Variants in ZNF185 observed in about 807,000 individuals in gnomAD.
ZNF185 encodes the protein zinc finger protein 185 with LIM domain, also known as zinc finger protein 185.
Under a neutral mutation model 58.6 loss-of-function variants are expected in ZNF185, and 56 were observed. The observed-to-expected ratio is 0.95, with a 90% CI of 0.77 to 1.19. The LOEUF (loss-of-function observed/expected upper bound fraction) is 1.19. ZNF185 is among the 50% of genes most tolerant of loss of function. The probability of loss-of-function intolerance (pLI) is 0.00; values close to 1 mark genes in which losing one functional copy is unlikely to be tolerated. For missense variants in ZNF185, 627 were observed against 573.5 expected, an observed-to-expected ratio of 1.09 and a Z score of -0.95; for synonymous variants, 230 against 215.9, an observed-to-expected ratio of 1.07 and a Z score of -0.57.
In ZNF185 at chrX:152,954,583, C is replaced by G. The variant is rs6627714; in HGVS notation, c.1410-5116C>G. On this transcript the variant is annotated intron_variant, in intron 16 of 22. Transcript: ENST00000449285. Reference sequence around the variant, plus strand: ...ACTTCTGCCACCTTCCAAAACTCAGCATGTCCCAAACCATCTTTATCAACA... The same window carrying G: ...ACTTCTGCCACCTTCCAAAACTCAGGATGTCCCAAACCATCTTTATCAACA... Among the ~76,000 whole-genome samples the G allele has an allele frequency of 4.5e-4, 50 of 112,139 alleles. No individual in the cohort carries two copies. In the East Asian group the frequency reaches 0.013, roughly 30 times the overall value.
rs782647963 is a variant in ZNF185 at position 152,941,847 on chromosome X, C to T, written c.1212-3420C>T. The stretch of plus-strand genomic sequence containing the variant: ...TTCCCCCGCGTAAGGTCTGAAGCCG[C>T]GGCCAGAGTGGCTTTGGGGTGACCG... On this transcript the variant is annotated intron_variant, in intron 15 of 22. Transcript: ENST00000449285. 5.1e-5 allele frequency: 58 copies of T among 1,139,137 alleles called. No homozygotes were observed. In the South Asian group the frequency reaches 1.1e-3, roughly 22 times the overall value. The allele number at this position is 1,139,137 out of a possible 1,213,427, so 93.9% of individuals were successfully genotyped here. A position where few individuals can be genotyped will look rare whatever the true frequency, so the allele number is the denominator to read the frequency against.
intron 11 of ZNF185, among the ~76,000 whole-genome samples, 164 bp downstream of exon 12, chrX:152,922,973 G>C (rs985871928): frequency 1.8e-5 from 2 of 112,194 alleles, no homozygotes; most frequent in African/African-American, 6.5e-5. Context: ...GATTTGTCTT[G>C]ATTTCTGATC....
upstream of ZNF185, chrX:152,914,380 A>C (rs1010091988): frequency 4.1e-6 from 3 of 732,361 alleles, no homozygotes; most frequent in East Asian, 1.1e-4. Flanking sequence ...ACCAGGACCC[A>C]TATGGTCACC....
At chrX:152,904,249 C>T in the ZNF185 span, among the ~76,000 whole-genome samples, 4 of 112,337 alleles carry the variant, frequency 3.6e-5, no homozygotes, top group African/African-American at 1.3e-4. Flanking sequence ...CGCTGAGCAG[C>T]AGACTAGGAG....
intron 16 of ZNF185, among the ~76,000 whole-genome samples, chrX:152,958,860 G>T (rs1337278479): frequency 3.6e-5 from 4 of 112,276 alleles, no homozygotes; most frequent in African/African-American, 1.3e-4. Context: ...ATAAGTGGGC[G>T]GGTGCACGCA....
At chrX:152,953,186 A>G (rs1556901562) in intron 16 of ZNF185, among the ~76,000 whole-genome samples, 1 of 111,652 alleles carries the variant, frequency 9.0e-6, no homozygotes. Context: ...AAAGGAACCA[A>G]GAAAACTTCT....
upstream of ZNF185, among the ~76,000 whole-genome samples, chrX:152,909,862 C>T (rs1936879930): frequency 9.1e-6 from 1 of 110,438 alleles, no homozygotes; most frequent in Admixed American, 9.6e-5. Flanking sequence ...TCATTCTCCT[C>T]ACCTCCCATC....
chrX:152,938,909 AGAGGAGAAG>A, intron 15 of ZNF185, among the ~76,000 whole-genome samples: 1 of 91,799 alleles, frequency 1.1e-5, no homozygotes, highest in South Asian at 4.7e-4. Context: ...TCTCCTCTAA[AGAGGAGAAG>A]GAGCCAACTC....
At chrX:152,955,429 AAT>A (rs1302975474) in intron 16 of ZNF185, among the ~76,000 whole-genome samples, 1 of 112,445 alleles carries the variant, frequency 8.9e-6, no homozygotes, top group Non-Finnish European at 1.9e-5. Flanking sequence ...TTTATGCTAG[AAT>A]GTTCTGTTTA....
At chrX:152,973,427 T>A (rs1013650788) in exon 23 of ZNF185, 16 of 112,751 alleles carry the variant, frequency 1.4e-4, no homozygotes, top group Non-Finnish European at 3.0e-4. Context: ...CTAATCATAC[T>A]TAATCCACAC....
At chrX:152,972,667 T>C (rs2050721264) in exon 23 of ZNF185, 1 of 111,341 alleles carries the variant, frequency 9.0e-6, no homozygotes, top group Non-Finnish European at 1.9e-5. Flanking sequence ...GACTCTGCCT[T>C]AAGCTAGTGG....
At chrX:152,919,653 C>A (rs782140692) in intron 7 of ZNF185, among the ~76,000 whole-genome samples, 4 of 112,390 alleles carry the variant, frequency 3.6e-5, no homozygotes, top group Non-Finnish European at 7.5e-5. Flanking sequence ...CACATACCAC[C>A]CAGTGCTGGT....
upstream of ZNF185, among the ~76,000 whole-genome samples, chrX:152,910,457 G>A (rs1219333707): frequency 1.8e-5 from 2 of 112,374 alleles, no homozygotes; most frequent in East Asian, 2.8e-4. Flanking sequence ...TTTACGGGCT[G>A]CTTTTCACTG....
chrX:152,917,096 C>T, intron 3 of ZNF185, 35 bp from the exon 5 acceptor site: 2 of 1,211,041 alleles, frequency 1.7e-6, no homozygotes, highest in Non-Finnish European at 2.2e-6. Flanking sequence ...CTCCAGCAAG[C>T]CTCGCTTCAC....
chrX:152,922,232 C>G, exon 10 of ZNF185: 1 of 1,188,681 alleles, frequency 8.4e-7, no homozygotes, highest in Non-Finnish European at 1.1e-6. Flanking sequence ...CCTGCTCTGG[C>G]AAGATCCACT....
At chrX:152,908,368 TG>T in the ZNF185 span, among the ~76,000 whole-genome samples, 1 of 112,689 alleles carries the variant, frequency 8.9e-6, no homozygotes, top group African/African-American at 3.2e-5. Context: ...GCAGGGTAAA[TG>T]GGAAGGTGCA....
At chrX:152,930,752 G>C (rs1825092903) in intron 12 of ZNF185, among the ~76,000 whole-genome samples, 1 of 111,529 alleles carries the variant, frequency 9.0e-6, no homozygotes, top group Non-Finnish European at 1.9e-5. Context: ...TAGGCAGGTG[G>C]TGTTGACAGG....
At chrX:152,941,376 A>G (rs1010864558) in intron 15 of ZNF185, among the ~76,000 whole-genome samples, 5 of 112,612 alleles carry the variant, frequency 4.4e-5, no homozygotes, top group African/African-American at 1.6e-4. Flanking sequence ...CACACACCAT[A>G]GAATTATGGG....
chrX:152,967,130 A>G, intron 19 of ZNF185, 37 bp from the exon 22 acceptor site: 1 of 1,180,575 alleles, frequency 8.5e-7, no homozygotes, highest in Non-Finnish European at 1.1e-6. Context: ...TTTGGCTCTC[A>G]TCTCTGCCCT....
Sources: gnomAD v4.1 joint callset for allele counts (sites outside exome capture counted in the v4.1 genomes callset) on GRCh38, gnomAD v4.1.1 for gene constraint, MANE v1.5 for transcripts, NCBI Gene and HGNC (gene_info 2026-07-23, HGNC 2026-07-21) for gene names.